The following STXBP5L variants were observed in gnomAD, a reference collection of about 807,000 sequenced individuals.
STXBP5L encodes syntaxin binding protein 5L.
A neutral mutation model predicts 144.5 loss-of-function variants in STXBP5L; 65 were observed. The observed-to-expected ratio is 0.45, with a 90% confidence interval of 0.37 to 0.55. The LOEUF is 0.55. Ranked by LOEUF, STXBP5L falls within the 20% of genes least tolerant of loss-of-function variation. STXBP5L has a pLI of 0.00. For synonymous variants in STXBP5L, 505 were observed against 469.6 expected, an observed-to-expected ratio of 1.08 and a Z score of -0.97; for missense variants, 1,298 against 1,405.5, an observed-to-expected ratio of 0.92 and a Z score of 1.22.
At chr3:121,213,171 A>G (rs1417836630) in intron 10 of STXBP5L, among the ~76,000 whole-genome samples, 1 of 152,078 alleles carries the variant, frequency 6.6e-6, no homozygotes, top group Non-Finnish European at 1.5e-5. Context: ...GACAATTTGA[A>G]TTCCTCCCTT....
chr3:121,110,639 T>A (rs1402765288), intron 5 of STXBP5L, among the ~76,000 whole-genome samples: 3 of 152,186 alleles, frequency 2.0e-5, no homozygotes, highest in South Asian at 4.1e-4. Context: ...ACCTGGCCTT[T>A]CTCTCTGGCT....
intron 20 of STXBP5L, among the ~76,000 whole-genome samples, chr3:121,339,067 T>C (rs1318026534): frequency 2.0e-5 from 3 of 152,090 alleles, no homozygotes; most frequent in Non-Finnish European, 2.9e-5. Context: ...ATCACCTTGA[T>C]ACCAAAGCCA....
chr3:120,974,861 G>C (rs540814106), intron 3 of STXBP5L, among the ~76,000 whole-genome samples: 1 of 152,006 alleles, frequency 6.6e-6, no homozygotes, highest in Non-Finnish European at 1.5e-5. Flanking sequence ...GTAGATATGC[G>C]GTGTTATTTC....
Position 121,157,529 on chromosome 3 carries a change from A to T in STXBP5L, c.779A>T (p.His260Leu), listed in dbSNP as rs1559805755. The change falls in exon 9 of 27, where the codon CAT (histidine) becomes CTT (leucine). Residue 260 changes from histidine to leucine, a missense_variant. By Grantham distance (99) the His-to-Leu change is moderately conservative (BLOSUM62 -3). Transcript: ENST00000471454. ...GCTATTCATTCAATTGATTGGCATCATGAGGGCAAACAGTTCATGTGCAGC... is the reference window on the plus strand; with the variant it reads ...GCTATTCATTCAATTGATTGGCATCTTGAGGGCAAACAGTTCATGTGCAGC... ...DEAIHSIDWH[H>L]EGKQFMCSHS... 1 of 1,586,460 alleles carries T rather than the reference A, an allele frequency of 6.3e-7. No individual in the cohort carries two copies. Among genetic ancestry groups the T allele is most frequent in the Non-Finnish European group, 8.5e-7 (1 of 1,170,264 alleles).
chr3:121,013,604 C>G lies in STXBP5L; in HGVS notation c.288-28096C>G, dbSNP rs1249234070. On this transcript the variant is annotated intron_variant, in intron 3 of 26. Transcript: ENST00000471454. ...GATGCCTGGTTTGCAAATATTTTCT[C>G]CCATTCTGTAGGTCATTTGTTTACT... 6.6e-5 allele frequency among the ~76,000 whole-genome samples: 10 copies of G among 152,036 alleles called. No individual in the cohort carries two copies. In the East Asian group the frequency reaches 1.7e-3, roughly 26 times the overall value.
intron 9 of STXBP5L, among the ~76,000 whole-genome samples, chr3:121,185,972 C>T (rs2047364789): frequency 6.6e-6 from 1 of 152,098 alleles, no homozygotes; most frequent in African/African-American, 2.4e-5. Context: ...TTTTATTTCA[C>T]TGAGCAGTGG....
intron 20 of STXBP5L, among the ~76,000 whole-genome samples, chr3:121,334,226 T>A (rs1262036184): frequency 6.6e-6 from 1 of 152,138 alleles, no homozygotes; most frequent in African/African-American, 2.4e-5. Flanking sequence ...CTTGGGTATG[T>A]CTTTATCAGC....
At chr3:121,159,853 C>G (rs956404687) in intron 9 of STXBP5L, among the ~76,000 whole-genome samples, 6 of 151,878 alleles carry the variant, frequency 4.0e-5, no homozygotes, top group Non-Finnish European at 5.9e-5. Flanking sequence ...AGGATGGTCT[C>G]GATCTCCTGA....
At chr3:121,369,847 G>C (rs547232601) in intron 20 of STXBP5L, among the ~76,000 whole-genome samples, 2 of 152,240 alleles carry the variant, frequency 1.3e-5, no homozygotes, top group African/African-American at 4.8e-5. Flanking sequence ...CTTCTTTGCT[G>C]GGTTTCTCTG....
At chr3:121,361,115 C>T (rs2045700020) in intron 20 of STXBP5L, among the ~76,000 whole-genome samples, 1 of 152,142 alleles carries the variant, frequency 6.6e-6, no homozygotes, top group Non-Finnish European at 1.5e-5. Context: ...TGTCATACTA[C>T]TTTCTCCTAT....
intron 3 of STXBP5L, among the ~76,000 whole-genome samples, chr3:121,008,376 C>A (rs924467956): frequency 7.2e-5 from 11 of 152,102 alleles, no homozygotes; most frequent in African/African-American, 2.6e-4. Flanking sequence ...GAAGCATTCC[C>A]TCCCCTGGAA....
intron 3 of STXBP5L, among the ~76,000 whole-genome samples, chr3:120,983,265 C>A (rs143282191): frequency 5.8e-4 from 88 of 152,114 alleles, no homozygotes; most frequent in Middle Eastern, 6.8e-3. Context: ...CAGATGGGGG[C>A]AGGGTGGCAG....
At chr3:121,302,180 C>CT (rs1279636650) in intron 19 of STXBP5L, among the ~76,000 whole-genome samples, 1 of 151,878 alleles carries the variant, frequency 6.6e-6, no homozygotes, top group Admixed American at 6.6e-5. Flanking sequence ...TGGTCCTGGA[C>CT]TTTTTTTTGG....
At chr3:121,196,478 T>C (rs909395266) in intron 9 of STXBP5L, among the ~76,000 whole-genome samples, 1 of 152,128 alleles carries the variant, frequency 6.6e-6, no homozygotes, top group Non-Finnish European at 1.5e-5. Flanking sequence ...AGGTCTTTCC[T>C]TTTATCTGTG....
intron 3 of STXBP5L, among the ~76,000 whole-genome samples, chr3:120,990,654 A>T (rs1270994069): frequency 2.0e-5 from 3 of 152,212 alleles, no homozygotes; most frequent in Admixed American, 6.5e-5. Flanking sequence ...GGAACAGAAC[A>T]GAGCCCTCAG....
intron 9 of STXBP5L, among the ~76,000 whole-genome samples, chr3:121,179,394 G>A (rs562034811): frequency 6.6e-6 from 1 of 151,788 alleles, no homozygotes; most frequent in Admixed American, 6.6e-5. Flanking sequence ...TCCATAAGAG[G>A]GAAAAAAAGT....
chr3:121,411,078 A>G (rs1459478777), intron 23 of STXBP5L, among the ~76,000 whole-genome samples: 5 of 152,100 alleles, frequency 3.3e-5, no homozygotes, highest in Admixed American at 3.3e-4. Flanking sequence ...CAGAAGTGCT[A>G]TAACAGATCA....
At chr3:121,109,505 G>C (rs1053345909) in intron 5 of STXBP5L, among the ~76,000 whole-genome samples, 1 of 152,044 alleles carries the variant, frequency 6.6e-6, no homozygotes, top group South Asian at 2.1e-4. Context: ...GGAGCATGTC[G>C]TTGCATTTCC....
intron 5 of STXBP5L, among the ~76,000 whole-genome samples, chr3:121,079,585 C>T (rs1369533593): frequency 6.6e-6 from 1 of 152,172 alleles, no homozygotes; most frequent in Non-Finnish European, 1.5e-5. Flanking sequence ...TCTTCAAACC[C>T]AAAAATAATT....
Sources: gnomAD v4.1 joint callset for allele counts (sites outside exome capture counted in the v4.1 genomes callset) on GRCh38, gnomAD v4.1.1 for gene constraint, MANE v1.5 for transcripts, NCBI Gene and HGNC (gene_info 2026-07-23, HGNC 2026-07-21) for gene names.